The following NRXN1 variants were observed in gnomAD, a reference collection of about 807,000 sequenced individuals.
NRXN1 encodes the protein neurexin 1.
In NRXN1, 39 loss-of-function variants were observed where a neutral mutation model predicts 150.9. That is an observed-to-expected ratio of 0.26 (90% CI 0.20 to 0.34). The LOEUF is 0.34. Ranked by LOEUF, NRXN1 falls within the 10% of genes least tolerant of loss-of-function variation. The pLI, the probability that NRXN1 is intolerant of heterozygous loss-of-function variation, is 1.00. For synonymous variants in NRXN1, 924 were observed against 757.0 expected (o/e 1.22, Z -3.62); for missense variants, 1,815 against 1,949.9 (o/e 0.93, Z 1.30).
At chr2:50,695,685 C>T (rs190503325) in intron 5 of NRXN1, among the ~76,000 whole-genome samples, 14 of 152,124 alleles carry the variant, frequency 9.2e-5, no homozygotes, top group Admixed American at 4.6e-4. Flanking sequence ...ATCTAGAACA[C>T]GGTAATAAAT....
intron 5 of NRXN1, among the ~76,000 whole-genome samples, chr2:50,839,785 ATAAT>A (rs900186510): frequency 6.6e-6 from 1 of 152,166 alleles, no homozygotes; most frequent in Non-Finnish European, 1.5e-5. Context: ...AAGAAATAAG[ATAAT>A]TAAATTAGAC....
At chr2:50,964,761 A>G (rs569256820) in intron 2 of NRXN1, among the ~76,000 whole-genome samples, 1 of 151,490 alleles carries the variant, frequency 6.6e-6, no homozygotes, top group Non-Finnish European at 1.5e-5. Context: ...ATACAGCTCC[A>G]CATAAAAACA....
At chr2:50,301,440 T>C (rs557824807) in intron 17 of NRXN1, among the ~76,000 whole-genome samples, 1 of 152,344 alleles carries the variant, frequency 6.6e-6, no homozygotes, top group East Asian at 1.9e-4. Context: ...CACAACATCA[T>C]ACATTTAACA....
At chr2:50,418,051 C>T (rs114448889) in intron 17 of NRXN1, among the ~76,000 whole-genome samples, 2,070 of 151,902 alleles carry the variant, frequency 0.014, 47 homozygotes, top group African/African-American at 0.047. Context: ...GAGGTCTAAC[C>T]GAGAGGTCAC....
At chr2:50,343,787 C>G (rs931594888) in intron 17 of NRXN1, among the ~76,000 whole-genome samples, 11 of 152,164 alleles carry the variant, frequency 7.2e-5, no homozygotes, top group African/African-American at 2.4e-4. Flanking sequence ...AATTTTATTC[C>G]TTAAACTATA....
chr2:50,622,391 C>G (rs1487129329), intron 6 of NRXN1, among the ~76,000 whole-genome samples: 1 of 152,152 alleles, frequency 6.6e-6, no homozygotes. Flanking sequence ...CATTCTGCAA[C>G]TGTTCAGAGA....
intron 2 of NRXN1, among the ~76,000 whole-genome samples, chr2:50,969,330 C>T (rs1575084824): frequency 6.6e-6 from 1 of 152,050 alleles, no homozygotes; most frequent in Admixed American, 6.6e-5. Context: ...CTGCCTGGCA[C>T]AAAGAAGGCA....
chr2:50,048,449 T>C (rs1692180999), intron 21 of NRXN1, among the ~76,000 whole-genome samples: 2 of 152,170 alleles, frequency 1.3e-5, no homozygotes, highest in Non-Finnish European at 2.9e-5. Context: ...TTAATATTTT[T>C]AATAAAAATA....
chr2:50,210,549 A>G (rs116262844), intron 18 of NRXN1, among the ~76,000 whole-genome samples: 8,610 of 151,842 alleles, frequency 0.057, 291 homozygotes, highest in Middle Eastern at 0.11. Context: ...ATCATTTAGT[A>G]GACCTTGTGA....
intron 5 of NRXN1, among the ~76,000 whole-genome samples, chr2:50,698,393 T>G (rs2104940187): frequency 6.6e-6 from 1 of 152,350 alleles, no homozygotes; most frequent in South Asian, 2.1e-4. Context: ...TCTAGCTCTC[T>G]TAAGCCAAAC....
chr2:50,754,805 T>G (rs905478207), intron 5 of NRXN1, among the ~76,000 whole-genome samples: 12 of 152,086 alleles, frequency 7.9e-5, no homozygotes, highest in Admixed American at 2.0e-4. Context: ...CTCAGAGCAA[T>G]GCTCATTAAA....
chr2:50,549,076 C>G (rs532316012), intron 9 of NRXN1, among the ~76,000 whole-genome samples: 1 of 151,906 alleles, frequency 6.6e-6, no homozygotes, highest in Non-Finnish European at 1.5e-5. Flanking sequence ...TCATATAGCC[C>G]CTGAATATAA....
chr2:50,025,802 T>A (rs1688194533), intron 21 of NRXN1, among the ~76,000 whole-genome samples: 1 of 152,158 alleles, frequency 6.6e-6, no homozygotes, highest in Non-Finnish European at 1.5e-5. Flanking sequence ...TTGATAAAGG[T>A]CTCTAGCTAG....
intron 2 of NRXN1, among the ~76,000 whole-genome samples, chr2:51,025,742 T>C (rs1420899146): frequency 6.6e-6 from 1 of 152,210 alleles, no homozygotes; most frequent in Non-Finnish European, 1.5e-5. Context: ...TATTCATGAT[T>C]CACAAGTAGA....
chr2:51,017,738 T>C (rs1349487376), intron 2 of NRXN1, among the ~76,000 whole-genome samples: 1 of 151,972 alleles, frequency 6.6e-6, no homozygotes, highest in African/African-American at 2.4e-5. Flanking sequence ...TAACTTCCTA[T>C]ATTTAGAATG....
chr2:50,621,584 T>C (rs997063078), intron 6 of NRXN1, among the ~76,000 whole-genome samples: 30 of 152,052 alleles, frequency 2.0e-4, no homozygotes, highest in East Asian at 7.7e-4. Context: ...CTGAGAGACA[T>C]TGGAAAAGTC....
At chr2:51,011,379 C>A (rs1252163678) in intron 2 of NRXN1, among the ~76,000 whole-genome samples, 1 of 151,918 alleles carries the variant, frequency 6.6e-6, no homozygotes, top group African/African-American at 2.4e-5. Context: ...GTGAAGAAAT[C>A]AGATGGGATG....
intron 18 of NRXN1, among the ~76,000 whole-genome samples, chr2:50,112,802 G>A (rs1336886134): frequency 6.6e-6 from 1 of 151,874 alleles, no homozygotes; most frequent in Non-Finnish European, 1.5e-5. Flanking sequence ...AAAATAAAAT[G>A]TTTAAAATAA....
intron 5 of NRXN1, among the ~76,000 whole-genome samples, chr2:50,835,788 T>G (rs921162947): frequency 6.6e-6 from 1 of 152,214 alleles, no homozygotes; most frequent in South Asian, 2.1e-4. Context: ...GGTTGATACC[T>G]GACACTCTAG....
Sources: allele counts gnomAD v4.1 joint callset (sites outside exome capture counted in the v4.1 genomes callset), GRCh38; gene constraint gnomAD v4.1.1; transcripts MANE v1.5; gene names NCBI Gene and HGNC (gene_info 2026-07-23, HGNC 2026-07-21).